The following DCC variants were observed in gnomAD, a reference collection of about 807,000 sequenced individuals.
DCC encodes the protein netrin receptor DCC.
Under a neutral mutation model 172.5 loss-of-function variants are expected in DCC, and 58 were observed. The ratio of observed to expected loss-of-function variants is 0.34; its 90% CI spans 0.27 to 0.42. The LOEUF (loss-of-function observed/expected upper bound fraction) is 0.42. Ranked by LOEUF, DCC falls within the 10% of genes least tolerant of loss-of-function variation. DCC has a pLI of 1.00. For missense variants in DCC, 1,740 were observed against 1,791.0 expected, an observed-to-expected ratio of 0.97 and a Z score of 0.51; for synonymous variants, 709 against 644.5, an observed-to-expected ratio of 1.10 and a Z score of -1.52.
At chr18:52,726,858 T>C (rs2036558793) in intron 1 of DCC, among the ~76,000 whole-genome samples, 1 of 152,198 alleles carries the variant, frequency 6.6e-6, no homozygotes, top group African/African-American at 2.4e-5. Context: ...CTATTCTACA[T>C]AGTGAGTAGC....
chr18:52,462,973 A>G (rs1047456086), intron 1 of DCC, among the ~76,000 whole-genome samples: 1 of 152,144 alleles, frequency 6.6e-6, no homozygotes, highest in Admixed American at 6.5e-5. Flanking sequence ...GCTGCCTGAT[A>G]GTGGATCCAT....
rs938967267 is a variant in DCC at position 53,297,168 on chromosome 18, G to A, written c.1912-8410G>A. ...GTTTCCTCACTTACTACTCTTGTAC[G>A]TCTACAGTGGAGAAAACAGAAAGCA... On this transcript the variant is annotated intron_variant, in intron 12 of 28. Coordinates refer to ENST00000442544, the MANE Select transcript of DCC (RefSeq NM_005215.4). 9.2e-5 allele frequency among the ~76,000 whole-genome samples: 14 copies of A among 152,204 alleles called. No individual in the cohort carries two copies. In the South Asian group the frequency reaches 1.0e-3, roughly 11 times the overall value.
chr18:53,078,549 G>A (rs2042753636), intron 7 of DCC, among the ~76,000 whole-genome samples: 1 of 151,794 alleles, frequency 6.6e-6, no homozygotes, highest in Non-Finnish European at 1.5e-5. Context: ...TTCACTTATT[G>A]TTCTATTTTG....
intron 3 of DCC, among the ~76,000 whole-genome samples, chr18:52,909,084 CATGAATGAATGA>C (rs369407649): frequency 1.3e-5 from 2 of 152,036 alleles, no homozygotes; most frequent in African/African-American, 4.8e-5. Flanking sequence ...TGAGTGAGTG[CATGAATGAATGA>C]ATGAATGAAT....
intron 1 of DCC, among the ~76,000 whole-genome samples, chr18:52,383,418 T>C (rs1985666548): frequency 6.6e-6 from 1 of 152,124 alleles, no homozygotes; most frequent in South Asian, 2.1e-4. Context: ...TGTACTTCTG[T>C]GAATTATCTA....
chr18:53,173,003 C>T (rs2055036260), intron 8 of DCC, among the ~76,000 whole-genome samples: 1 of 152,076 alleles, frequency 6.6e-6, no homozygotes, highest in Non-Finnish European at 1.5e-5. Flanking sequence ...GTACCTGAGG[C>T]ACTGGGTATA....
At chr18:52,908,990 C>T (rs539987526) in intron 3 of DCC, among the ~76,000 whole-genome samples, 1 of 152,036 alleles carries the variant, frequency 6.6e-6, no homozygotes, top group African/African-American at 2.4e-5. Context: ...AAAGAACCTG[C>T]TAAAGGAGAA....
chr18:52,944,294 G>A (rs1441728349), intron 5 of DCC, among the ~76,000 whole-genome samples: 1 of 152,150 alleles, frequency 6.6e-6, no homozygotes, highest in East Asian at 1.9e-4. Context: ...TTAGATCTGA[G>A]GGATTGTCTA....
chr18:52,342,454 TG>T, intron 1 of DCC, among the ~76,000 whole-genome samples: 1 of 2,788 alleles, frequency 3.6e-4, no homozygotes, highest in East Asian at 6.0e-3. Context: ...TCGCAAAAGG[TG>T]GGTGGGGGTG....
At position 52,598,189 on chromosome 18, in the gene DCC, C is replaced by T. The variant is rs1427383592; in HGVS notation, c.92-153865C>T. Among the ~76,000 whole-genome samples, 4 of 152,058 alleles carry T rather than the reference C, an allele frequency of 2.6e-5. No individual in the cohort carries two copies. The South Asian group carries it at 6.2e-4, about 24-fold the overall frequency. The stretch of plus-strand genomic sequence containing the variant: ...TTGGAATAAAAAGGAAAATTGATAA[C>T]GTTTAGTTTTTATACTTTTAAAAAC... On this transcript the variant is annotated intron_variant, in intron 1 of 28. Coordinates refer to ENST00000442544, the MANE Select transcript of DCC (RefSeq NM_005215.4).
intron 7 of DCC, among the ~76,000 whole-genome samples, chr18:53,119,385 G>T (rs996235051): frequency 6.6e-6 from 1 of 151,556 alleles, no homozygotes; most frequent in African/African-American, 2.4e-5. Context: ...ATGTGTTCCT[G>T]GCTCAACTCT....
chr18:52,769,193 A>G (rs1176173270), intron 2 of DCC, among the ~76,000 whole-genome samples: 1 of 152,206 alleles, frequency 6.6e-6, no homozygotes, highest in Non-Finnish European at 1.5e-5. Context: ...TTGCATTTCC[A>G]CTAGCAATTA....
At chr18:52,637,059 A>AAG (rs1351517989) in intron 1 of DCC, among the ~76,000 whole-genome samples, 2 of 152,154 alleles carry the variant, frequency 1.3e-5, no homozygotes, top group Non-Finnish European at 2.9e-5. Context: ...CTAGACCCAG[A>AAG]AGAGAGAGAG....
At chr18:52,710,410 G>A (rs923616591) in intron 1 of DCC, among the ~76,000 whole-genome samples, 1 of 152,150 alleles carries the variant, frequency 6.6e-6, no homozygotes, top group African/African-American at 2.4e-5. Flanking sequence ...TATGAATGAT[G>A]TAATGTGATA....
intron 15 of DCC, among the ~76,000 whole-genome samples, chr18:53,372,653 T>A (rs1274639125): frequency 6.6e-6 from 1 of 152,046 alleles, no homozygotes; most frequent in Non-Finnish European, 1.5e-5. Flanking sequence ...GTGATATAAT[T>A]TACATTTGCA....
intron 1 of DCC, among the ~76,000 whole-genome samples, chr18:52,648,008 GGC>G (rs2035051857): frequency 6.6e-6 from 1 of 152,194 alleles, no homozygotes; most frequent in Non-Finnish European, 1.5e-5. Flanking sequence ...TGGATGTGCT[GGC>G]CCTTAGGGCT....
intron 7 of DCC, among the ~76,000 whole-genome samples, chr18:53,117,720 C>A (rs1598819180): frequency 6.6e-6 from 1 of 151,762 alleles, no homozygotes; most frequent in East Asian, 2.0e-4. Context: ...ATATTTCAGG[C>A]TTTGCAGGCC....
chr18:53,395,825 T>C (rs1908896933), intron 17 of DCC, among the ~76,000 whole-genome samples: 2 of 152,122 alleles, frequency 1.3e-5, no homozygotes, highest in African/African-American at 4.8e-5. Context: ...GTATTTTTAA[T>C]AGAGATGGGG....
chr18:53,441,518 C>T (rs1045402859), intron 22 of DCC, among the ~76,000 whole-genome samples: 1 of 152,094 alleles, frequency 6.6e-6, no homozygotes, highest in Non-Finnish European at 1.5e-5. Context: ...TTGCTCTTCC[C>T]TCTTTGAGCC....
Sources: allele counts gnomAD v4.1 joint callset (sites outside exome capture counted in the v4.1 genomes callset), GRCh38; gene constraint gnomAD v4.1.1; transcripts MANE v1.5; gene names NCBI Gene and HGNC (gene_info 2026-07-23, HGNC 2026-07-21).